The following COL14A1 variants were observed in gnomAD, a reference collection of about 807,000 sequenced individuals.
COL14A1 encodes the protein collagen type XIV alpha 1 chain.
In COL14A1, 136 loss-of-function variants were observed where a neutral mutation model predicts 230.3. That is an observed-to-expected ratio of 0.59 (90% confidence interval 0.51 to 0.68). The LOEUF is 0.68. Among genes scored for constraint, COL14A1 ranks in the 30% least tolerant of loss-of-function variants. The probability of loss-of-function intolerance (pLI) is 0.00; values close to 1 mark genes in which losing one functional copy is unlikely to be tolerated. For missense variants in COL14A1, 1,976 were observed against 2,215.8 expected (o/e 0.89, Z 2.17); for synonymous variants, 792 against 784.1 (o/e 1.01, Z -0.17).
At chr8:120,369,136 G>A (rs1823503270) in intron 46 of COL14A1, among the ~76,000 whole-genome samples, 194 bp from the exon 47 acceptor site, 1 of 152,216 alleles carries the variant, frequency 6.6e-6, no homozygotes, top group African/African-American at 2.4e-5. Context: ...TGACCTCCAG[G>A]AGGATAAGTG....
intron 23 of COL14A1, among the ~76,000 whole-genome samples, chr8:120,257,597 A>C (rs7813088): frequency 0.64 from 97,215 of 152,006 alleles, 31,258 homozygotes; most frequent in Middle Eastern, 0.73. Flanking sequence ...ATTCTGATTC[A>C]CTGACTTTAA....
At position 120,196,943 on chromosome 8, in the gene COL14A1, A is replaced by G; in HGVS notation, c.589A>G (p.Ile197Val). ...CGATGTGGGCTCAGAGAAGACACGA[A>G]TTGGTATAATTTCTATTATTAGCAG... ...AFDVGSEKTR[I>V]GLAQYSGDPR... Residue 197 changes from isoleucine (I) to valine (V), a missense_variant, in exon 6 of 48, where the codon ATT becomes GTT. This residue lies in a region of COL14A1 where 1,791 missense variants were observed against 2,019.5 expected (regional missense o/e 0.89). Transcript: ENST00000297848. 1 of 1,613,722 alleles carries G rather than the reference A, an allele frequency of 6.2e-7. No individual in the cohort carries two copies. Among genetic ancestry groups the G allele is most frequent in the South Asian group, 1.1e-5 (1 of 90,906 alleles).
chr8:120,218,300 A>C (rs1323284451), intron 14 of COL14A1, among the ~76,000 whole-genome samples: 7 of 143,638 alleles, frequency 4.9e-5, no homozygotes, highest in African/African-American at 1.0e-4. Context: ...TAATATATAT[A>C]ATATATATCA....
rs1812163634 is a variant in COL14A1 at position 120,371,737 on chromosome 8, C to A, written c.*506C>A. The stretch of plus-strand genomic sequence containing the variant: ...CCTCTTGTTTAATTGATCTGTCCAA[C>A]TCTGAGATCACTTGGTAACTGGTTT... On this transcript the variant is annotated 3_prime_UTR_variant, in exon 48 of 48. Transcript: ENST00000297848. 5 of 397,310 alleles carry A rather than the reference C, an allele frequency of 1.3e-5. No individual in the cohort carries two copies. The highest frequency in any genetic ancestry group is 1.2e-3 in the Middle Eastern group (2 of 1,602). 24.6% of individuals were successfully genotyped at this position (397,310 alleles called of 1,614,324 possible). A position where few individuals can be genotyped will look rare whatever the true frequency, so the allele number is the denominator to read the frequency against.
intron 34 of COL14A1, among the ~76,000 whole-genome samples, chr8:120,290,890 G>C (rs1001161517): frequency 2.0e-5 from 3 of 152,188 alleles, no homozygotes; most frequent in African/African-American, 7.2e-5. Context: ...GACCTTGATA[G>C]GTAGATGATG....
intron 40 of COL14A1, among the ~76,000 whole-genome samples, chr8:120,320,614 A>G (rs1821403674): frequency 6.6e-6 from 1 of 152,194 alleles, no homozygotes; most frequent in Non-Finnish European, 1.5e-5. Context: ...TATTTTGTAA[A>G]ATACTAAGAT....
chr8:120,265,789 T>C (rs1364594091), intron 24 of COL14A1, among the ~76,000 whole-genome samples: 1 of 152,022 alleles, frequency 6.6e-6, no homozygotes, highest in Non-Finnish European at 1.5e-5. Context: ...TCTTTTAATG[T>C]TGAATCCTTT....
chr8:120,270,793 A>G (rs1024997353), intron 26 of COL14A1, among the ~76,000 whole-genome samples: 1 of 151,820 alleles, frequency 6.6e-6, no homozygotes, highest in Non-Finnish European at 1.5e-5. Flanking sequence ...AAATTAATTC[A>G]GCCATTAGAT....
intron 1 of COL14A1, among the ~76,000 whole-genome samples, chr8:120,142,647 A>G (rs1814951535): frequency 1.3e-5 from 2 of 152,228 alleles, no homozygotes; most frequent in East Asian, 1.9e-4. Flanking sequence ...AACATTCTTT[A>G]CTAATTAGCA....
In COL14A1 at chr8:120,367,221, G is replaced by C. The variant is rs370821964; in HGVS notation, c.5128G>C (p.Gly1710Arg). ...AGGAAATCCAGGCGTTGGAACCCAAGGTCCAAGAGGCCCCCCTGGACCAGC... is the reference window on the plus strand; with the variant it reads ...AGGAAATCCAGGCGTTGGAACCCAACGTCCAAGAGGCCCCCCTGGACCAGC... ...EKGNPGVGTQGPRGPPGPAGP... is the reference protein window; with the variant it reads ...EKGNPGVGTQRPRGPPGPAGP... Residue 1710 changes from glycine (G) to arginine (R), a missense_variant, in exon 46 of 48, where the codon GGT becomes CGT. Gly to Arg is a moderately radical substitution (Grantham distance 125). Around this residue, in one of 3 missense-constraint regions of COL14A1, gnomAD observed 1,791 missense variants for 2,019.5 expected, o/e 0.89. Transcript: ENST00000297848. The C allele has an allele frequency of 6.2e-7, 1 of 1,613,406 alleles. No individual in the cohort carries two copies.
intron 5 of COL14A1, among the ~76,000 whole-genome samples, chr8:120,194,689 C>T (rs1341467049): frequency 4.6e-5 from 7 of 152,042 alleles, no homozygotes; most frequent in South Asian, 4.1e-4. Context: ...AAGCAGAAAG[C>T]GTTCCCTTTC....
chr8:120,265,758 A>G (rs1369375717), intron 24 of COL14A1, among the ~76,000 whole-genome samples: 1 of 151,988 alleles, frequency 6.6e-6, no homozygotes, highest in Non-Finnish European at 1.5e-5. Flanking sequence ...TTTTCCATTT[A>G]GTAATATATA....
intron 37 of COL14A1, among the ~76,000 whole-genome samples, chr8:120,311,191 G>A (rs1821024756): frequency 6.6e-6 from 1 of 152,158 alleles, no homozygotes. Context: ...GGACAGACTT[G>A]AGGTATCTTA....
chr8:120,286,768 C>G (rs1039757682), intron 33 of COL14A1, among the ~76,000 whole-genome samples: 1 of 152,184 alleles, frequency 6.6e-6, no homozygotes, highest in African/African-American at 2.4e-5. Flanking sequence ...CTTGGCATCC[C>G]AAAGTGCTGG....
Position 120,128,596 on chromosome 8 carries a change from G to T in COL14A1, c.-38+3256G>T, listed in dbSNP as rs374338917. ...CTAAAAATATAAAGATTAGCTGGGC[G>T]TGGTGGTGGGCACCTGTAATCCTAG... On this transcript the variant is annotated intron_variant, in intron 1 of 47. Transcript: ENST00000297848. Among the ~76,000 whole-genome samples the T allele has an allele frequency of 8.5e-5, 13 of 152,228 alleles. No individual in the cohort carries two copies. The East Asian group carries it at 1.9e-3, about 23-fold the overall frequency.
intron 15 of COL14A1, 99 bp downstream of exon 15, chr8:120,225,313 A>G (rs1818061761): frequency 9.7e-7 from 1 of 1,028,128 alleles, no homozygotes. Flanking sequence ...TTTTGAAGAG[A>G]TTAAATTTTA....
At chr8:120,166,189 T>C (rs1467575241) in intron 4 of COL14A1, among the ~76,000 whole-genome samples, 2 of 152,158 alleles carry the variant, frequency 1.3e-5, no homozygotes, top group African/African-American at 4.8e-5. Flanking sequence ...AAGGTGACAT[T>C]TGAACTAGAC....
rs367989143 is a variant in COL14A1 at position 120,354,643 on chromosome 8, C to T, written c.5077+9080C>T. Among the ~76,000 whole-genome samples the T allele has an allele frequency of 7.2e-5, 11 of 152,166 alleles. No individual in the cohort carries two copies. The South Asian group carries it at 1.2e-3, about 17-fold the overall frequency. ...CCCTTTGTCTCCTTTAACTTAAAGT[C>T]TTTTTCGTAAGTTTGTGTGGAACAG... On this transcript the variant is annotated intron_variant, in intron 45 of 47. Coordinates refer to ENST00000297848, the MANE Select transcript of COL14A1 (RefSeq NM_021110.4).
chr8:120,228,755 C>T lies in COL14A1; in HGVS notation c.2183C>T (p.Thr728Ile), dbSNP rs780067320. 6.2e-7 allele frequency: 1 copy of T among 1,613,848 alleles called. No individual in the cohort carries two copies. Among genetic ancestry groups the T allele is most frequent in the South Asian group, 1.1e-5 (1 of 91,036 alleles). ...TEPATTIVPT[T>I]SVTSVFQTGI... ...CCAGCTACAACCATAGTGCCTACCA[C>T]ATCTGTGACTTCAGGTAAGGTCAAA... The change falls in exon 18 of 48, where the codon ACA (threonine) becomes ATA (isoleucine). Residue 728 changes from threonine (T) to isoleucine (I), a missense_variant. This residue lies in a region of COL14A1 where 1,791 missense variants were observed against 2,019.5 expected (regional missense o/e 0.89). Transcript: ENST00000297848.
Sources: gnomAD v4.1 joint callset for allele counts (sites outside exome capture counted in the v4.1 genomes callset) on GRCh38, gnomAD v4.1.1 for gene constraint, gnomAD v4.1.1 regional missense constraint, MANE v1.5 for transcripts, NCBI Gene and HGNC (gene_info 2026-07-23, HGNC 2026-07-21) for gene names.